Variants in NBAS observed in about 807,000 individuals in gnomAD.
NBAS encodes the protein NAG/BC035112 fusion.
A neutral mutation model predicts 302.5 loss-of-function variants in NBAS; 219 were observed. That is an observed-to-expected ratio of 0.72 (90% CI 0.65 to 0.81). NBAS has a LOEUF of 0.81. Among genes scored for constraint, NBAS ranks in the 30% least tolerant of loss-of-function variants. The pLI, the probability that NBAS is intolerant of heterozygous loss-of-function variation, is 0.00. For missense variants in NBAS, 2,932 were observed against 2,841.6 expected, an observed-to-expected ratio of 1.03 and a Z score of -0.72; for synonymous variants, 1,118 against 1,021.6, an observed-to-expected ratio of 1.09 and a Z score of -1.80.
intron 18 of NBAS, 35 bp downstream of exon 18, chr2:15,467,629 A>G (rs1349782152): frequency 1.3e-6 from 2 of 1,588,300 alleles, no homozygotes; most frequent in East Asian, 2.2e-5. Context: ...GTTATTTTAA[A>G]GAAACTATCA....
chr2:15,107,295 T>C, the NBAS span, among the ~76,000 whole-genome samples: 2 of 152,070 alleles, frequency 1.3e-5, no homozygotes, highest in Non-Finnish European at 2.9e-5. Context: ...AAAGTGGCTG[T>C]CTGCAAGCCA....
chr2:15,100,306 C>A, the NBAS span, among the ~76,000 whole-genome samples: 1 of 152,120 alleles, frequency 6.6e-6, no homozygotes, highest in Non-Finnish European at 1.5e-5. Flanking sequence ...AGAACCACAA[C>A]CACTGGAACT....
chr2:15,178,443 C>T (rs1451318570), intron 51 of NBAS, among the ~76,000 whole-genome samples: 3 of 152,174 alleles, frequency 2.0e-5, no homozygotes, highest in Non-Finnish European at 4.4e-5. Context: ...AATAACAAGG[C>T]AACAGGCCTT....
At chr2:14,992,710 C>T in the NBAS span, among the ~76,000 whole-genome samples, 1,619 of 152,304 alleles carry the variant, frequency 0.011, 26 homozygotes, top group African/African-American at 0.037. Context: ...CAGTGTCCTT[C>T]ATCCCTCATC....
At position 15,511,101 on chromosome 2, in the gene NBAS, T is replaced by G. The variant is rs954878605; in HGVS notation, c.885+111A>C. On this transcript the variant is annotated intron_variant, in intron 10 of 51. Coordinates refer to ENST00000281513, the MANE Select transcript of NBAS (RefSeq NM_015909.4). ...ACCAGCATTAATTCACTGTCCTCAT[T>G]CAAGATGAAATTATTTCTTCCTCTA... The G allele has an allele frequency of 5.2e-6, 7 of 1,347,480 alleles. No individual in the cohort carries two copies. The Admixed American group carries it at 1.3e-4, about 25-fold the overall frequency. The allele number at this position is 1,347,480 out of a possible 1,614,324, so 83.5% of individuals were successfully genotyped here. A position where few individuals can be genotyped will look rare whatever the true frequency, so the allele number is the denominator to read the frequency against.
chr2:15,268,903 T>C (rs1669194560), intron 44 of NBAS, among the ~76,000 whole-genome samples: 1 of 152,218 alleles, frequency 6.6e-6, no homozygotes, highest in Non-Finnish European at 1.5e-5. Flanking sequence ...GAAGGCATGA[T>C]AGAAATATTT....
chr2:14,863,711 GA>G, the NBAS span, among the ~76,000 whole-genome samples: 1 of 152,184 alleles, frequency 6.6e-6, no homozygotes, highest in Non-Finnish European at 1.5e-5. Flanking sequence ...AAACATTCTT[GA>G]AAAGATAGTC....
chr2:14,903,834 C>T, the NBAS span, among the ~76,000 whole-genome samples: 3 of 151,860 alleles, frequency 2.0e-5, no homozygotes, highest in African/African-American at 7.3e-5. Context: ...GCCTGTCCCC[C>T]CCATCCCCCT....
chr2:15,040,541 A>T, the NBAS span, among the ~76,000 whole-genome samples: 1 of 152,190 alleles, frequency 6.6e-6, no homozygotes, highest in East Asian at 1.9e-4. Flanking sequence ...TTGATCAAAA[A>T]CAGCAAATAA....
the NBAS span, among the ~76,000 whole-genome samples, chr2:15,016,454 C>G: frequency 2.0e-5 from 3 of 152,012 alleles, no homozygotes; most frequent in Admixed American, 2.0e-4. Flanking sequence ...CTACAAAACA[C>G]TGATGAAATA....
intron 21 of NBAS, among the ~76,000 whole-genome samples, chr2:15,445,916 A>AC (rs1678712971): frequency 6.6e-6 from 1 of 151,856 alleles, no homozygotes; most frequent in South Asian, 2.1e-4. Context: ...AGATTAAAAA[A>AC]AAAATACACT....
chr2:14,819,470 T>G, the NBAS span, among the ~76,000 whole-genome samples: 1 of 152,250 alleles, frequency 6.6e-6, no homozygotes, highest in African/African-American at 2.4e-5. Context: ...CTATGAAGTA[T>G]GTATTAGGAA....
At chr2:14,830,273 G>A in the NBAS span, among the ~76,000 whole-genome samples, 23 of 152,118 alleles carry the variant, frequency 1.5e-4, no homozygotes, top group Non-Finnish European at 7.4e-5. Context: ...AGCAGCAGGC[G>A]GGTCTCACAT....
intron 31 of NBAS, among the ~76,000 whole-genome samples, chr2:15,372,326 C>T (rs1674526532): frequency 6.6e-6 from 1 of 152,188 alleles, no homozygotes. Flanking sequence ...TTACATGCGA[C>T]TTCTGTTCCT....
chr2:15,466,567 G>A (rs1201910526), intron 19 of NBAS, among the ~76,000 whole-genome samples: 3 of 152,128 alleles, frequency 2.0e-5, no homozygotes, highest in Non-Finnish European at 4.4e-5. Context: ...GAAGTATACT[G>A]TTTTTAAGCT....
At chr2:14,937,916 G>C in the NBAS span, among the ~76,000 whole-genome samples, 2 of 152,244 alleles carry the variant, frequency 1.3e-5, no homozygotes, top group Non-Finnish European at 2.9e-5. Flanking sequence ...AGACCATGAA[G>C]TCAGGAGCTC....
the NBAS span, among the ~76,000 whole-genome samples, chr2:14,873,164 T>C: frequency 1.3e-5 from 2 of 152,188 alleles, no homozygotes; most frequent in African/African-American, 2.4e-5. Flanking sequence ...AGAGAGCTGA[T>C]TGGCCCATTT....
At chr2:14,789,743 TC>T in the NBAS span, among the ~76,000 whole-genome samples, 3 of 152,180 alleles carry the variant, frequency 2.0e-5, no homozygotes, top group African/African-American at 7.2e-5. Context: ...TGTACGTGCT[TC>T]TATACTGATC....
chr2:15,251,913 G>T (rs913140115), intron 44 of NBAS, among the ~76,000 whole-genome samples: 1 of 152,156 alleles, frequency 6.6e-6, no homozygotes, highest in Non-Finnish European at 1.5e-5. Flanking sequence ...TCCTATTCAA[G>T]ATGGAGTTGC....
Sources: allele counts gnomAD v4.1 joint callset (sites outside exome capture counted in the v4.1 genomes callset), GRCh38; gene constraint gnomAD v4.1.1; transcripts MANE v1.5; gene names NCBI Gene and HGNC (gene_info 2026-07-23, HGNC 2026-07-21).